Variants in PPME1 observed in about 807,000 individuals in gnomAD.
The protein encoded by PPME1 is testicular secretory protein Li 39.
Under a neutral mutation model 56.9 loss-of-function variants are expected in PPME1, and 17 were observed. The ratio of observed to expected loss-of-function variants is 0.30; its 90% CI spans 0.20 to 0.45. The LOEUF (loss-of-function observed/expected upper bound fraction) is 0.45, where lower values mean the gene tolerates loss of function less well. PPME1 is among the 20% of genes least tolerant of loss of function. PPME1 has a pLI of 1.00. For synonymous variants in PPME1, 122 were observed against 156.2 expected, an observed-to-expected ratio of 0.78 and a Z score of 1.63; for missense variants, 357 against 483.2, an observed-to-expected ratio of 0.74 and a Z score of 2.45.
intron 3 of PPME1, among the ~76,000 whole-genome samples, chr11:74,210,276 T>C (rs1185806281): frequency 6.6e-6 from 1 of 152,138 alleles, no homozygotes; most frequent in Non-Finnish European, 1.5e-5. Flanking sequence ...AACTATAATG[T>C]CCCTTCATGT....
intron 12 of PPME1, 177 bp from the exon 13 acceptor site, chr11:74,251,471 G>A (rs1859659325): frequency 1.3e-5 from 19 of 1,432,010 alleles, no homozygotes; most frequent in Non-Finnish European, 1.6e-5. Flanking sequence ...AAGGATAGTG[G>A]GGAGGAGTCT....
Position 74,235,947 on chromosome 11 carries a change from A to T in PPME1, c.691A>T (p.Met231Leu). ...IRNLESARVSMVGQVKQCEGI... is the reference protein window; with the variant it reads ...IRNLESARVSLVGQVKQCEGI... Reference sequence around the variant, plus strand: ...AAATCTGGAGTCTGCCCGTGTCTCAATGGTTGGCCAAGTCAAACAGTAGGT... The same window carrying T: ...AAATCTGGAGTCTGCCCGTGTCTCATTGGTTGGCCAAGTCAAACAGTAGGT... The change falls in exon 8 of 14, where the codon ATG becomes TTG. Residue 231 changes from methionine to leucine, a missense_variant. Met to Leu is a conservative substitution (Grantham distance 15). Coordinates refer to ENST00000328257, the MANE Select transcript of PPME1 (RefSeq NM_016147.3). The T allele has an allele frequency of 1.2e-6, 2 of 1,612,694 alleles. No individual in the cohort carries two copies. The highest frequency in any genetic ancestry group is 1.7e-6 in the Non-Finnish European group (2 of 1,179,442).
intron 1 of PPME1, 37 bp from the exon 2 acceptor site, chr11:74,203,691 A>C: frequency 6.5e-7 from 1 of 1,536,170 alleles, no homozygotes; most frequent in Non-Finnish European, 8.9e-7. Flanking sequence ...CTTTATGCAT[A>C]ATTTTTCTGA....
At position 74,230,959 on chromosome 11, in the gene PPME1, C is replaced by A; in HGVS notation, c.601C>A (p.Arg201Ser). The A allele has an allele frequency of 6.2e-7, 1 of 1,604,848 alleles. No individual in the cohort carries two copies. Among genetic ancestry groups the A allele is most frequent in the Non-Finnish European group, 8.5e-7 (1 of 1,175,598 alleles). The change falls in exon 7 of 14, where the codon CGT (arginine) becomes AGT (serine). Residue 201 changes from arginine to serine, a missense_variant. Physicochemically the swap from Arg to Ser is moderately radical, Grantham distance 110. Around this residue, in one of 2 missense-constraint regions of PPME1, gnomAD observed 182 missense variants for 293.8 expected, o/e 0.62. Coordinates refer to ENST00000328257, the MANE Select transcript of PPME1 (RefSeq NM_016147.3). This position sits in a 1 kb window ranked among gnomAD's most constrained non-coding sequence, Gnocchi z 4.9. ...LNSMQNFLRGRPKTFKSLENA... is the reference protein window; with the variant it reads ...LNSMQNFLRGSPKTFKSLENA... ...TAGCATGCAGAATTTCTTACGGGGTCGTCCTAAAACCTTCAAGTCTCTGGA... is the reference window on the plus strand; with the variant it reads ...TAGCATGCAGAATTTCTTACGGGGTAGTCCTAAAACCTTCAAGTCTCTGGA...
intron 13 of PPME1, 66 bp from the exon 14 acceptor site, chr11:74,253,426 C>T: frequency 1.3e-6 from 2 of 1,514,136 alleles, no homozygotes; most frequent in Non-Finnish European, 1.8e-6. Context: ...CTGGAGGATA[C>T]AGATAAGCAA....
In PPME1 at chr11:74,230,891, C is replaced by A; in HGVS notation, c.554-21C>A. Reference sequence around the variant, plus strand: ...TCAGAATAAGTTAAATATGTGGTTACAGTTTTTGTTTAACATCCAGGTACA... The same window carrying A: ...TCAGAATAAGTTAAATATGTGGTTAAAGTTTTTGTTTAACATCCAGGTACA... On this transcript the variant is annotated intron_variant, in intron 6 of 13. Transcript: ENST00000328257. This position sits in a 1 kb window ranked among gnomAD's most constrained non-coding sequence, Gnocchi z 4.9. The A allele has an allele frequency of 6.5e-7, 1 of 1,543,622 alleles. No homozygotes were observed. Among genetic ancestry groups the A allele is most frequent in the Non-Finnish European group, 8.9e-7 (1 of 1,128,720 alleles).
chr11:74,231,089 ACT>A, intron 7 of PPME1, 87 bp downstream of exon 7: 2 of 1,147,842 alleles, frequency 1.7e-6, no homozygotes, highest in Non-Finnish European at 2.5e-6. Context: ...ACAAGGCCTC[ACT>A]CTGTCACCCA....
intron 10 of PPME1, 53 bp downstream of exon 10, chr11:74,246,258 C>A: frequency 6.9e-7 from 1 of 1,445,766 alleles, no homozygotes; most frequent in South Asian, 1.4e-5. Flanking sequence ...AACCAAATAT[C>A]ATAGACTGAG....
intron 3 of PPME1, among the ~76,000 whole-genome samples, chr11:74,210,859 G>C (rs1180818098): frequency 6.6e-6 from 1 of 151,914 alleles, no homozygotes; most frequent in Non-Finnish European, 1.5e-5. Flanking sequence ...AGACAGTAAG[G>C]GTGCAATTTT....
intron 11 of PPME1, chr11:74,249,824 A>C (rs1490624666): frequency 6.6e-6 from 1 of 152,232 alleles, no homozygotes; most frequent in Non-Finnish European, 1.5e-5. Context: ...GTGCATTAAC[A>C]ACTTTAGGAG....
chr11:74,182,361 A>G (rs1165968757), intron 1 of PPME1, among the ~76,000 whole-genome samples: 1 of 151,674 alleles, frequency 6.6e-6, no homozygotes, highest in Non-Finnish European at 1.5e-5. Context: ...TAAATTGATA[A>G]TGTCTTTTTT....
chr11:74,195,396 T>G (rs1857954401), intron 1 of PPME1, among the ~76,000 whole-genome samples: 1 of 152,222 alleles, frequency 6.6e-6, no homozygotes, highest in African/African-American at 2.4e-5. Flanking sequence ...GATTCAGTCT[T>G]CTGTGCTTAT....
intron 1 of PPME1, among the ~76,000 whole-genome samples, chr11:74,175,012 G>C (rs1857370215): frequency 6.6e-6 from 1 of 152,156 alleles, no homozygotes; most frequent in Non-Finnish European, 1.5e-5. Context: ...AAAAACAGTG[G>C]TTTTGAACTT....
intron 3 of PPME1, 45 bp downstream of exon 3, chr11:74,204,490 A>G (rs1858272880): frequency 6.7e-7 from 1 of 1,489,486 alleles, no homozygotes; most frequent in Non-Finnish European, 9.3e-7. Flanking sequence ...GCACTTTTGA[A>G]CTAATGAAAG....
At chr11:74,180,074 C>A (rs1857492273) in intron 1 of PPME1, among the ~76,000 whole-genome samples, 1 of 152,226 alleles carries the variant, frequency 6.6e-6, no homozygotes, top group Admixed American at 6.5e-5. Context: ...TAAAAACATA[C>A]AACTTACATT....
intron 1 of PPME1, chr11:74,198,636 A>G (rs1263339761): frequency 2.6e-5 from 4 of 151,692 alleles, no homozygotes; most frequent in Admixed American, 2.6e-4. Flanking sequence ...TGTTTTTAGT[A>G]GAGACGAGGT....
intron 13 of PPME1, chr11:74,252,411 C>G: frequency 6.6e-6 from 3 of 454,522 alleles, no homozygotes; most frequent in South Asian, 4.7e-5. Flanking sequence ...GCAGGGTTTT[C>G]TACAGTGTTG....
intron 1 of PPME1, among the ~76,000 whole-genome samples, chr11:74,175,461 A>C (rs550216501): frequency 2.0e-5 from 3 of 152,068 alleles, no homozygotes; most frequent in Non-Finnish European, 4.4e-5. Context: ...AGATCGCGCC[A>C]TTGCACTCCA....
intron 3 of PPME1, among the ~76,000 whole-genome samples, 164 bp from the exon 4 acceptor site, chr11:74,222,148 G>C (rs992340915): frequency 6.6e-6 from 1 of 152,158 alleles, no homozygotes; most frequent in South Asian, 2.1e-4. Context: ...GGCAAAACTA[G>C]TAGAAAATCA....
Sources: gnomAD v4.1 joint callset for allele counts (sites outside exome capture counted in the v4.1 genomes callset) on GRCh38, gnomAD v4.1.1 for gene constraint, gnomAD v4.1.1 regional missense constraint, Gnocchi (gnomAD v3.1) non-coding constraint, MANE v1.5 for transcripts, NCBI Gene and HGNC (gene_info 2026-07-23, HGNC 2026-07-21) for gene names.